The following UGT2A3 variants were observed in gnomAD, a reference collection of about 807,000 sequenced individuals.
The protein encoded by UGT2A3 is UDP glucuronosyltransferase family 2 member A3, also known as UDP-glucuronosyltransferase 2A3.
Under a neutral mutation model 44.1 loss-of-function variants are expected in UGT2A3, and 55 were observed. The observed-to-expected ratio is 1.25, with a 90% CI of 1.00 to 1.56. The LOEUF (loss-of-function observed/expected upper bound fraction) is 1.56, where lower values mean the gene tolerates loss of function less well. UGT2A3 is among the 40% of genes most tolerant of loss of function. The probability of loss-of-function intolerance (pLI) is 0.00; values close to 1 mark genes in which losing one functional copy is unlikely to be tolerated. For synonymous variants in UGT2A3, 243 were observed against 215.1 expected (o/e 1.13, Z -1.13); for missense variants, 733 against 621.6 (o/e 1.18, Z -1.91).
At chr4:68,942,522 TATATATATATATATATAC>T (rs1487655089) in intron 2 of UGT2A3, among the ~76,000 whole-genome samples, 9 of 13,638 alleles carry the variant, frequency 6.6e-4, no homozygotes, top group South Asian at 5.3e-3. Flanking sequence ...TATATATATA[TATATATATATATATATAC>T]ATTTTCCAAT....
At chr4:68,931,432 T>C (rs764701121) in intron 3 of UGT2A3, among the ~76,000 whole-genome samples, 190 bp from the exon 4 acceptor site, 4 of 152,078 alleles carry the variant, frequency 2.6e-5, no homozygotes, top group Non-Finnish European at 5.9e-5. Flanking sequence ...AAATAATGTG[T>C]ACCAGTTGCC....
At chr4:68,936,407 C>T (rs765450855) in intron 2 of UGT2A3, among the ~76,000 whole-genome samples, 1 of 152,066 alleles carries the variant, frequency 6.6e-6, no homozygotes, top group African/African-American at 2.4e-5. Context: ...GGCCAATATT[C>T]AACATTCTTA....
Position 68,930,598 on chromosome 4 carries a change from T to C in UGT2A3, c.1252A>G (p.Met418Val), listed in dbSNP as rs1181560793. The change falls in exon 5 of 6, where the codon ATG (methionine) becomes GTG (valine). Residue 418 changes from methionine to valine, a missense_variant. Met to Val is a conservative substitution (Grantham distance 21). Transcript: ENST00000251566. The stretch of plus-strand genomic sequence containing the variant: ...GCCCTCAGTAAATCTTCGCTTGTCA[T>C]AGTTTTGAAGTTTATTTCTACAGCT... ...GAAVEINFKT[M>V]TSEDLLRALR... 3.1e-6 allele frequency: 5 copies of C among 1,613,486 alleles called. No individual in the cohort carries two copies. The highest frequency in any genetic ancestry group is 4.2e-6 in the Non-Finnish European group (5 of 1,179,650).
At chr4:68,942,798 C>G (rs1718248823) in intron 2 of UGT2A3, among the ~76,000 whole-genome samples, 1 of 151,310 alleles carries the variant, frequency 6.6e-6, no homozygotes, top group Admixed American at 6.6e-5. Context: ...TCAATGGATA[C>G]AACGTTTAAA....
chr4:68,948,362 A>C (rs989633626), intron 1 of UGT2A3, among the ~76,000 whole-genome samples: 2 of 149,094 alleles, frequency 1.3e-5, no homozygotes, highest in Admixed American at 6.7e-5. Flanking sequence ...ACGCTTTACT[A>C]TGTATTAGTT....
intron 1 of UGT2A3, among the ~76,000 whole-genome samples, chr4:68,948,582 G>T (rs1456327413): frequency 1.3e-5 from 2 of 150,696 alleles, no homozygotes; most frequent in Non-Finnish European, 3.0e-5. Context: ...CAAGTTACTG[G>T]GATTACAGAT....
chr4:68,940,049 C>T (rs886360317), intron 2 of UGT2A3, among the ~76,000 whole-genome samples: 1 of 152,038 alleles, frequency 6.6e-6, no homozygotes, highest in Admixed American at 6.6e-5. Flanking sequence ...CAGGAAACAA[C>T]AGATACTGGA....
chr4:68,939,230 T>A (rs998569580), intron 2 of UGT2A3, among the ~76,000 whole-genome samples: 2 of 152,054 alleles, frequency 1.3e-5, no homozygotes, highest in African/African-American at 4.8e-5. Context: ...AAAATGAGCC[T>A]GCATTGCCAA....
Position 68,928,568 on chromosome 4 carries a change from GA to G in UGT2A3, c.*1244del, listed in dbSNP as rs1204481437. 1.3e-5 allele frequency: 2 copies of G among 151,430 alleles called. No homozygotes were observed. The highest frequency in any genetic ancestry group is 4.8e-5 in the African/African-American group (2 of 41,258). 9.4% of individuals were successfully genotyped at this position (151,430 alleles called of 1,614,324 possible). A position where few individuals can be genotyped will look rare whatever the true frequency, so the allele number is the denominator to read the frequency against. On this transcript the variant is annotated 3_prime_UTR_variant, in exon 6 of 6. Coordinates refer to ENST00000251566, the MANE Select transcript of UGT2A3 (RefSeq NM_024743.4). ...ATTTTAAAATTGAAATTAATTTGTA[GA>G]TATACCTAATCAACATCTGTAAGAA...
chr4:68,945,916 T>C (rs905031402), intron 1 of UGT2A3, among the ~76,000 whole-genome samples: 2 of 151,700 alleles, frequency 1.3e-5, no homozygotes, highest in African/African-American at 4.8e-5. Flanking sequence ...CTGTATTTTC[T>C]AATCTATAGT....
chr4:68,932,804 A>G, intron 2 of UGT2A3, 45 bp from the exon 3 acceptor site: 3 of 1,551,796 alleles, frequency 1.9e-6, no homozygotes, highest in Non-Finnish European at 2.6e-6. Flanking sequence ...TAATATAACA[A>G]AAATTAAAAT....
Position 68,951,183 on chromosome 4 carries a change from G to T in UGT2A3, c.578C>A (p.Pro193His). The T allele has an allele frequency of 6.2e-7, 1 of 1,612,126 alleles. No homozygotes were observed. The highest frequency in any genetic ancestry group is 2.2e-5 in the East Asian group (1 of 44,628). ...GTCTGTTAGTCCTGTCATAGGCACA[G>T]GTACATAGGAAAGTGGAGCTGGAAG... is the stretch of plus-strand genomic sequence containing the variant. ...GKLPAPLSYV[P>H]VPMTGLTDRM... Residue 193 changes from proline to histidine, a missense_variant, in exon 1 of 6, where the codon CCT becomes CAT. By Grantham distance (77) the Pro-to-His change is moderately conservative. Coordinates refer to ENST00000251566, the MANE Select transcript of UGT2A3 (RefSeq NM_024743.4).
chr4:68,947,894 T>C (rs1025383257), intron 1 of UGT2A3, among the ~76,000 whole-genome samples: 1 of 151,842 alleles, frequency 6.6e-6, no homozygotes, highest in African/African-American at 2.4e-5. Context: ...CATATACCAA[T>C]GTGATATCAT....
At chr4:68,931,742 T>C (rs1717743667) in intron 3 of UGT2A3, among the ~76,000 whole-genome samples, 1 of 152,012 alleles carries the variant, frequency 6.6e-6, no homozygotes, top group African/African-American at 2.4e-5. Flanking sequence ...TTTAATTGTT[T>C]TATTGAAGAA....
chr4:68,932,866 G>T, intron 2 of UGT2A3, 107 bp from the exon 3 acceptor site: 1 of 1,135,768 alleles, frequency 8.8e-7, no homozygotes, highest in Non-Finnish European at 1.3e-6. Flanking sequence ...TTAATGTGTA[G>T]TTATATTCTG....
intron 2 of UGT2A3, among the ~76,000 whole-genome samples, chr4:68,934,897 G>GA (rs930291616): frequency 1.3e-4 from 19 of 151,300 alleles, no homozygotes; most frequent in African/African-American, 3.9e-4. Flanking sequence ...TAAAAAAAAG[G>GA]AAAAAAATGA....
At chr4:68,946,436 A>T (rs1379229752) in intron 1 of UGT2A3, among the ~76,000 whole-genome samples, 2 of 151,600 alleles carry the variant, frequency 1.3e-5, no homozygotes, top group African/African-American at 2.4e-5. Context: ...TTTACTGAAG[A>T]TACTCAGTTT....
intron 2 of UGT2A3, among the ~76,000 whole-genome samples, chr4:68,936,756 C>T (rs973685103): frequency 6.6e-6 from 1 of 151,786 alleles, no homozygotes. Flanking sequence ...AATTAAGAGA[C>T]ACAGACTGGC....
rs753497145 is a variant in UGT2A3 at position 68,951,327 on chromosome 4, A to G, written c.434T>C (p.Val145Ala). 3.3e-5 allele frequency: 53 copies of G among 1,612,582 alleles called. No homozygotes were observed. The highest frequency in any genetic ancestry group is 1.6e-4 in the Middle Eastern group (1 of 6,068). The change falls in exon 1 of 6, where the codon GTA (valine) becomes GCA (alanine). Residue 145 changes from valine to alanine, a missense_variant. Val to Ala is a moderately conservative substitution (Grantham distance 64, BLOSUM62 0). Transcript: ENST00000251566. ...MKKLQETNYD[V>A]MLIDPVIPCG... ...GGGAATCACAGGGTCTATAAGCATT[A>G]CATCGTAGTTGGTTTCCTGTAGCTT...
Sources: gnomAD v4.1 joint callset for allele counts (sites outside exome capture counted in the v4.1 genomes callset) on GRCh38, gnomAD v4.1.1 for gene constraint, MANE v1.5 for transcripts, NCBI Gene and HGNC (gene_info 2026-07-23, HGNC 2026-07-21) for gene names.